The following SGCZ variants were observed in gnomAD, a reference collection of about 807,000 sequenced individuals.
SGCZ encodes sarcoglycan zeta.
Under a neutral mutation model 41.3 loss-of-function variants are expected in SGCZ, and 40 were observed. The observed-to-expected ratio is 0.97, with a 90% CI of 0.75 to 1.26. SGCZ has a LOEUF of 1.26. Ranked by LOEUF, SGCZ falls within the 50% of genes most tolerant of loss-of-function variation. SGCZ has a pLI of 0.00. For synonymous variants in SGCZ, 206 were observed against 137.5 expected (o/e 1.50, Z -3.49); for missense variants, 552 against 369.8 (o/e 1.49, Z -4.04).
chr8:15,229,633 G>C lies in SGCZ; in HGVS notation c.39+7952C>G, dbSNP rs973309695. On this transcript the variant is annotated intron_variant, in intron 1 of 7. Coordinates refer to ENST00000382080, the MANE Select transcript of SGCZ (RefSeq NM_139167.4). ...TAGAACATGATTCAAGAAATCTTGAGGTAAGCGATTTATTTCCTTGAATTA... is the reference window on the plus strand; with the variant it reads ...TAGAACATGATTCAAGAAATCTTGACGTAAGCGATTTATTTCCTTGAATTA... 1.2e-4 allele frequency among the ~76,000 whole-genome samples: 19 copies of C among 152,164 alleles called. 1 individual carries two copies. Among genetic ancestry groups the C allele is most frequent in the African/African-American group, 4.1e-4 (17 of 41,436 alleles).
At chr8:14,688,573 T>C (rs1808694457) in intron 1 of SGCZ, among the ~76,000 whole-genome samples, 2 of 152,174 alleles carry the variant, frequency 1.3e-5, no homozygotes, top group Admixed American at 1.3e-4. Flanking sequence ...TTGGTACCAG[T>C]ACCATGCTGT....
At chr8:14,470,940 C>T (rs1052825270) in intron 2 of SGCZ, among the ~76,000 whole-genome samples, 24 of 152,178 alleles carry the variant, frequency 1.6e-4, no homozygotes, top group Middle Eastern at 3.4e-3. Context: ...GTAAGCTTGG[C>T]CCCAGGCACA....
At chr8:14,618,451 C>T (rs1371978007) in intron 1 of SGCZ, among the ~76,000 whole-genome samples, 1 of 151,996 alleles carries the variant, frequency 6.6e-6, no homozygotes, top group Non-Finnish European at 1.5e-5. Flanking sequence ...GGTCCTAAGG[C>T]AGAAACAATC....
intron 4 of SGCZ, among the ~76,000 whole-genome samples, chr8:14,226,722 A>G (rs971497062): frequency 2.0e-5 from 3 of 152,072 alleles, no homozygotes; most frequent in African/African-American, 7.2e-5. Context: ...ATCACCTAGG[A>G]GTGAGATTAT....
chr8:14,747,412 G>A (rs968783187), intron 1 of SGCZ, among the ~76,000 whole-genome samples: 36 of 152,058 alleles, frequency 2.4e-4, no homozygotes, highest in Admixed American at 2.0e-4. Flanking sequence ...CAACAATACG[G>A]TGACAAAACC....
chr8:14,506,766 C>A (rs550844879), intron 2 of SGCZ, among the ~76,000 whole-genome samples: 1 of 152,116 alleles, frequency 6.6e-6, no homozygotes, highest in Non-Finnish European at 1.5e-5. Flanking sequence ...TTTAAACCAA[C>A]GACAGCACTT....
intron 1 of SGCZ, among the ~76,000 whole-genome samples, chr8:14,561,476 T>G (rs1409420995): frequency 6.6e-6 from 1 of 152,150 alleles, no homozygotes; most frequent in East Asian, 1.9e-4. Flanking sequence ...CTTTTGATGT[T>G]AATTCAATGC....
intron 4 of SGCZ, among the ~76,000 whole-genome samples, chr8:14,211,692 A>G (rs767038564): frequency 6.6e-6 from 1 of 152,102 alleles, no homozygotes; most frequent in African/African-American, 2.4e-5. Flanking sequence ...AGTGCTACAC[A>G]CTTTTAAACC....
chr8:14,996,793 A>C (rs923277540), intron 1 of SGCZ, among the ~76,000 whole-genome samples: 1 of 152,208 alleles, frequency 6.6e-6, no homozygotes, highest in Non-Finnish European at 1.5e-5. Flanking sequence ...ACTATATGCC[A>C]AACAATAATT....
intron 1 of SGCZ, among the ~76,000 whole-genome samples, chr8:14,823,531 C>G (rs960571071): frequency 1.3e-5 from 2 of 152,048 alleles, no homozygotes; most frequent in African/African-American, 4.8e-5. Flanking sequence ...CAATAAATAC[C>G]ACCTCTTTCC....
In SGCZ at chr8:14,811,343, T is replaced by G. The variant is rs73664481; in HGVS notation, c.40-256417A>C. 8.7e-4 allele frequency among the ~76,000 whole-genome samples: 132 copies of G among 151,974 alleles called. 1 individual carries two copies. Among genetic ancestry groups the G allele is most frequent in the Middle Eastern group, 6.8e-3 (2 of 294 alleles). ...ATCAAAACCCACCTATAAACTTTAT[T>G]TGAATGATGAGCTGTAGTGCTTTAA... On this transcript the variant is annotated intron_variant, in intron 1 of 7. Coordinates refer to ENST00000382080, the MANE Select transcript of SGCZ (RefSeq NM_139167.4).
rs114629689 is a variant in SGCZ, at chr8:15,195,259, G to A, written c.39+42326C>T. On this transcript the variant is annotated intron_variant, in intron 1 of 7. Transcript: ENST00000382080. The stretch of plus-strand genomic sequence containing the variant: ...GTGTAGAAATCCTTTACTGGGAGAC[G>A]TGTGTCCTCCTGTCAGCATCATTAA... 5.9e-3 allele frequency among the ~76,000 whole-genome samples: 894 copies of A among 152,164 alleles called. 3 individuals are homozygous for A. Among genetic ancestry groups the A allele is most frequent in the African/African-American group, 0.011 (457 of 41,512 alleles).
At chr8:14,417,956 ATAT>A (rs1563316315) in intron 2 of SGCZ, among the ~76,000 whole-genome samples, 1 of 151,842 alleles carries the variant, frequency 6.6e-6, no homozygotes. Flanking sequence ...CATGAATGTC[ATAT>A]TATTTGTCGA....
intron 2 of SGCZ, among the ~76,000 whole-genome samples, chr8:14,398,240 C>T (rs549234982): frequency 3.9e-5 from 6 of 152,198 alleles, no homozygotes; most frequent in South Asian, 4.1e-4. Flanking sequence ...GAGAGTTATT[C>T]GAGCATTCTA....
At chr8:14,522,631 T>C (rs993880378) in intron 2 of SGCZ, among the ~76,000 whole-genome samples, 15 of 151,842 alleles carry the variant, frequency 9.9e-5, no homozygotes, top group Admixed American at 9.9e-4. Flanking sequence ...GACAGTCTTC[T>C]TAGAAATTTT....
chr8:15,168,518 G>T (rs1011947513), intron 1 of SGCZ, among the ~76,000 whole-genome samples: 4 of 152,094 alleles, frequency 2.6e-5, no homozygotes, highest in African/African-American at 9.7e-5. Context: ...ACTCATGGCA[G>T]TACCTGCCAA....
chr8:14,447,088 C>T (rs1800454470), intron 2 of SGCZ, among the ~76,000 whole-genome samples: 1 of 152,144 alleles, frequency 6.6e-6, no homozygotes, highest in African/African-American at 2.4e-5. Flanking sequence ...TCTTAGAGTA[C>T]ATGAATTTTC....
At chr8:14,863,089 T>C (rs768187164) in intron 1 of SGCZ, among the ~76,000 whole-genome samples, 3 of 152,108 alleles carry the variant, frequency 2.0e-5, no homozygotes, top group Non-Finnish European at 4.4e-5. Flanking sequence ...GTATCTCACA[T>C]ATTTAAAACA....
chr8:14,328,070 G>C (rs570685719), intron 2 of SGCZ, among the ~76,000 whole-genome samples: 1 of 151,934 alleles, frequency 6.6e-6, no homozygotes, highest in Non-Finnish European at 1.5e-5. Flanking sequence ...TTCCTGTCTT[G>C]TATGAAAAAA....
Sources: allele counts gnomAD v4.1 joint callset (sites outside exome capture counted in the v4.1 genomes callset), GRCh38; gene constraint gnomAD v4.1.1; transcripts MANE v1.5; gene names NCBI Gene and HGNC (gene_info 2026-07-23, HGNC 2026-07-21).